GPR39: variants seen among roughly 807,000 people sequenced by gnomAD.
GPR39 encodes zinc sensing receptor.
GPR39 carries 23 observed loss-of-function variants against 18.4 expected under a neutral mutation model. That is an observed-to-expected ratio of 1.25 (90% CI 0.90 to 1.77). GPR39 has a LOEUF of 1.77. GPR39 is among the 40% of genes most tolerant of loss of function. The probability of loss-of-function intolerance (pLI) is 0.00; values close to 1 mark genes in which losing one functional copy is unlikely to be tolerated. For missense variants in GPR39, 647 were observed against 602.4 expected (o/e 1.07, Z -0.78); for synonymous variants, 280 against 257.9 (o/e 1.09, Z -0.82).
intron 1 of GPR39, among the ~76,000 whole-genome samples, chr2:132,594,499 C>A (rs1039720490): frequency 4.0e-5 from 6 of 151,696 alleles, no homozygotes; most frequent in Non-Finnish European, 8.8e-5. Context: ...TCCCTCTGGG[C>A]GTAGAAATTG....
chr2:132,626,829 A>G (rs1200242556), intron 1 of GPR39, among the ~76,000 whole-genome samples: 3 of 152,246 alleles, frequency 2.0e-5, no homozygotes, highest in African/African-American at 2.4e-5. Flanking sequence ...AGTGAAAACC[A>G]TATTCACATT....
chr2:132,645,526 C>T lies in GPR39; in HGVS notation c.1282C>T (p.Leu428Phe), dbSNP rs1426988012. 1.2e-6 allele frequency: 2 copies of T among 1,614,198 alleles called. No individual in the cohort carries two copies. Among genetic ancestry groups the T allele is most frequent in the East Asian group, 2.2e-5 (1 of 44,860 alleles). ...EPQSKSQSLS[L>F]ESLEPNSGAK... is the part of the protein sequence containing the mutation. ...CCAGTCTAAGTCCCAGTCATTGAGT[C>T]TCGAGTCACTAGAGCCCAACTCAGG... The change falls in exon 2 of 2, where the codon CTC becomes TTC. Residue 428 changes from leucine to phenylalanine, a missense_variant. Coordinates refer to ENST00000329321, the MANE Select transcript of GPR39 (RefSeq NM_001508.3).
chr2:132,589,655 T>C (rs1419243345), intron 1 of GPR39, among the ~76,000 whole-genome samples: 3 of 152,210 alleles, frequency 2.0e-5, no homozygotes, highest in African/African-American at 7.2e-5. Context: ...TCCTTTTGCT[T>C]TTCTCACTTG....
At chr2:132,569,437 G>T (rs919495407) in intron 1 of GPR39, among the ~76,000 whole-genome samples, 1 of 152,038 alleles carries the variant, frequency 6.6e-6, no homozygotes, top group Non-Finnish European at 1.5e-5. Context: ...CCCTGCTACT[G>T]GTCGTGCAAA....
chr2:132,549,827 C>T (rs1463632873), intron 1 of GPR39, among the ~76,000 whole-genome samples: 2 of 152,156 alleles, frequency 1.3e-5, no homozygotes, highest in African/African-American at 4.8e-5. Flanking sequence ...AGATACACTC[C>T]CTAAGAATCT....
intron 1 of GPR39, among the ~76,000 whole-genome samples, chr2:132,517,161 GTT>G (rs1294973713): frequency 1.4e-5 from 2 of 147,386 alleles, no homozygotes; most frequent in African/African-American, 5.4e-5. Context: ...GGGTGTGTGT[GTT>G]TGTGTGTGTA....
At chr2:132,496,991 T>C (rs141455111) in intron 1 of GPR39, among the ~76,000 whole-genome samples, 22 of 152,336 alleles carry the variant, frequency 1.4e-4, no homozygotes, top group Middle Eastern at 3.4e-3. Flanking sequence ...TACTTTCATA[T>C]ATATGCAGCC....
intron 1 of GPR39, among the ~76,000 whole-genome samples, chr2:132,582,546 C>T (rs1680643219): frequency 6.6e-6 from 1 of 152,156 alleles, no homozygotes. Context: ...ACTTGGCCAG[C>T]CCACTCTCCA....
At chr2:132,441,725 G>A (rs1680443561) in intron 1 of GPR39, among the ~76,000 whole-genome samples, 1 of 152,200 alleles carries the variant, frequency 6.6e-6, no homozygotes, top group Admixed American at 6.5e-5. Context: ...ACTAATTTAA[G>A]TTTAGATGTG....
At chr2:132,536,841 T>C (rs1679766810) in intron 1 of GPR39, among the ~76,000 whole-genome samples, 2 of 152,250 alleles carry the variant, frequency 1.3e-5, no homozygotes, top group African/African-American at 4.8e-5. Flanking sequence ...TGGTCTTTTT[T>C]CATCTTTGTT....
intron 1 of GPR39, among the ~76,000 whole-genome samples, chr2:132,603,989 G>A (rs961875162): frequency 2.0e-5 from 3 of 152,172 alleles, no homozygotes; most frequent in African/African-American, 4.8e-5. Flanking sequence ...GTGTGTTCAT[G>A]TGTGTTTGTG....
chr2:132,459,373 C>T (rs533505875), intron 1 of GPR39, among the ~76,000 whole-genome samples: 31 of 152,290 alleles, frequency 2.0e-4, no homozygotes, highest in African/African-American at 7.0e-4. Context: ...CTCCAGGAAG[C>T]AGCTGTTTTC....
At chr2:132,613,332 G>A (rs1033736975) in intron 1 of GPR39, among the ~76,000 whole-genome samples, 2 of 152,156 alleles carry the variant, frequency 1.3e-5, no homozygotes, top group African/African-American at 2.4e-5. Flanking sequence ...ACTCTATTGG[G>A]CATGATTTTT....
At chr2:132,597,235 G>A (rs547472018) in intron 1 of GPR39, among the ~76,000 whole-genome samples, 38 of 152,322 alleles carry the variant, frequency 2.5e-4, no homozygotes, top group African/African-American at 7.0e-4. Flanking sequence ...TGTGGAAAGG[G>A]TAAGTGCCCC....
chr2:132,492,858 T>G (rs62645264), intron 1 of GPR39, among the ~76,000 whole-genome samples: 1 of 140,812 alleles, frequency 7.1e-6, no homozygotes, highest in Non-Finnish European at 1.5e-5. Context: ...ACCATATATA[T>G]ACCATATATG....
At chr2:132,636,880 G>C (rs917666062) in intron 1 of GPR39, among the ~76,000 whole-genome samples, 3 of 152,166 alleles carry the variant, frequency 2.0e-5, no homozygotes, top group Non-Finnish European at 4.4e-5. Flanking sequence ...AGCTTCCCCG[G>C]TGGGCTTGGA....
Position 132,646,246 on chromosome 2 carries a change from C to T in GPR39, c.*640C>T, listed in dbSNP as rs201249597. On this transcript the variant is annotated 3_prime_UTR_variant, in exon 2 of 2. Transcript: ENST00000329321. ...ACCCGGCAGAGGCGATGAGACAGGCCGCTGATGATGCACAGGACTTGCGGT... is the reference window on the plus strand; with the variant it reads ...ACCCGGCAGAGGCGATGAGACAGGCTGCTGATGATGCACAGGACTTGCGGT... The T allele has an allele frequency of 6.7e-4, 1,063 of 1,575,660 alleles. 6 individuals are homozygous for T. The highest frequency in any genetic ancestry group is 3.8e-3 in the Middle Eastern group (22 of 5,850).
chr2:132,423,073 C>T (rs190201464), intron 1 of GPR39, among the ~76,000 whole-genome samples: 5 of 151,922 alleles, frequency 3.3e-5, no homozygotes, highest in Admixed American at 2.6e-4. Flanking sequence ...AGGCAAGGTC[C>T]GCTGGTCTAC....
intron 1 of GPR39, among the ~76,000 whole-genome samples, chr2:132,491,775 A>G (rs1049871975): frequency 6.6e-6 from 1 of 151,944 alleles, no homozygotes; most frequent in African/African-American, 2.4e-5. Context: ...CCTAGATTCC[A>G]GTCCTAGCTT....
Sources: allele counts gnomAD v4.1 joint callset (sites outside exome capture counted in the v4.1 genomes callset), GRCh38; gene constraint gnomAD v4.1.1; transcripts MANE v1.5; gene names NCBI Gene and HGNC (gene_info 2026-07-23, HGNC 2026-07-21).